Variants in FAM171A1 observed in about 807,000 individuals in gnomAD.
The protein encoded by FAM171A1 is protein FAM171A1.
Under a neutral mutation model 74.9 loss-of-function variants are expected in FAM171A1, and 23 were observed. The observed-to-expected ratio is 0.31, with a 90% CI of 0.22 to 0.44. FAM171A1 has a LOEUF of 0.44. Ranked by LOEUF, FAM171A1 falls within the 20% of genes least tolerant of loss-of-function variation. The probability of loss-of-function intolerance (pLI) is 1.00; values close to 1 mark genes in which losing one functional copy is unlikely to be tolerated. For synonymous variants in FAM171A1, 527 were observed against 505.7 expected (o/e 1.04, Z -0.57); for missense variants, 1,162 against 1,159.2 (o/e 1.00, Z -0.03).
rs140604770 is a variant in FAM171A1, at chr10:15,285,855, G to A, written c.98-1750C>T. On this transcript the variant is annotated intron_variant, in intron 1 of 7. Coordinates refer to ENST00000378116, the MANE Select transcript of FAM171A1 (RefSeq NM_001010924.2). The stretch of plus-strand genomic sequence containing the variant: ...GCCGGCTGCAGGCTGGCTGGGTACA[G>A]AGCAGCCTGACAGCGAGGATGAGGA... Among the ~76,000 whole-genome samples, 109 of 152,330 alleles carry A rather than the reference G, an allele frequency of 7.2e-4. No individual in the cohort carries two copies. In the Middle Eastern group the frequency reaches 0.014, roughly 19 times the overall value.
chr10:15,283,815 C>G (rs921164941), intron 2 of FAM171A1, 63 bp downstream of exon 2: 2 of 1,533,154 alleles, frequency 1.3e-6, no homozygotes, highest in South Asian at 2.3e-5. Flanking sequence ...AGACTCCTGG[C>G]CTTATGCGAT....
Position 15,254,875 on chromosome 10 carries a change from G to A in FAM171A1, c.423C>T (p.Ala141=). ...GGAAATGAACGCGAGGCTGTGGCCG[G>A]GCACCTGCAGAGATTAACCTCCGAG... ...VVQIVSGFQG[A]RPQPRVHFQR... The change falls in exon 4 of 8, where the codon GCC becomes GCT. Residue 141 remains alanine (A), a synonymous_variant. Coordinates refer to ENST00000378116, the MANE Select transcript of FAM171A1 (RefSeq NM_001010924.2). The A allele has an allele frequency of 6.2e-7, 1 of 1,613,032 alleles. No homozygotes were observed.
chr10:15,293,729 T>C (rs2131820003), intron 1 of FAM171A1, among the ~76,000 whole-genome samples: 1 of 152,272 alleles, frequency 6.6e-6, no homozygotes, highest in East Asian at 1.9e-4. Context: ...CGTGGCTATC[T>C]GGGTACTCAC....
rs45535633 is a variant in FAM171A1, at chr10:15,358,414, T to C, written c.97+12542A>G. 2.4e-3 allele frequency among the ~76,000 whole-genome samples: 373 copies of C among 152,370 alleles called. 1 individual carries two copies. The highest frequency in any genetic ancestry group is 6.8e-3 in the Middle Eastern group (2 of 294). ...AAAGGAGAAAAAAGGCATCTCATTA[T>C]GCTATATGAATCCAATCATACCTGA... is the stretch of plus-strand genomic sequence containing the variant. On this transcript the variant is annotated intron_variant, in intron 1 of 7. Coordinates refer to ENST00000378116, the MANE Select transcript of FAM171A1 (RefSeq NM_001010924.2).
chr10:15,331,262 G>A (rs1456397193), intron 1 of FAM171A1, among the ~76,000 whole-genome samples: 3 of 152,190 alleles, frequency 2.0e-5, no homozygotes, highest in East Asian at 1.9e-4. Flanking sequence ...TGGAGGGGAG[G>A]CGTCACCAGG....
chr10:15,227,431 G>C (rs138889786), intron 5 of FAM171A1, among the ~76,000 whole-genome samples: 1 of 152,184 alleles, frequency 6.6e-6, no homozygotes, highest in South Asian at 2.1e-4. Context: ...TCACCCAGCT[G>C]GAGGGCAGTG....
At chr10:15,217,267 T>C (rs1833978876) in intron 6 of FAM171A1, among the ~76,000 whole-genome samples, 1 of 152,248 alleles carries the variant, frequency 6.6e-6, no homozygotes, top group South Asian at 2.1e-4. Context: ...ATTTAGGTAT[T>C]TATTGGTGTC....
rs747891159 is a variant in FAM171A1 at position 15,213,944 on chromosome 10, G to T, written c.1644C>A (p.Leu548=). 5 of 1,614,158 alleles carry T rather than the reference G, an allele frequency of 3.1e-6. No individual in the cohort carries two copies. The highest frequency in any genetic ancestry group is 4.2e-6 in the Non-Finnish European group (5 of 1,180,032). The change falls in exon 8 of 8, where the codon CTC becomes CTA. Residue 548 remains leucine, a synonymous_variant. Coordinates refer to ENST00000378116, the MANE Select transcript of FAM171A1 (RefSeq NM_001010924.2). This position sits in a 1 kb window ranked among gnomAD's most constrained non-coding sequence, Gnocchi z 6.8. ...GCCGTGGGAAGGACGTAGGTCTCTC[G>T]AGGTGATCTACTGATCGCGACATCA... ...ECMMSRSVDH[L]ERPTSFPRPG... is the part of the protein sequence containing the mutation.
At chr10:15,304,255 A>C (rs1043223308) in intron 1 of FAM171A1, among the ~76,000 whole-genome samples, 3 of 152,104 alleles carry the variant, frequency 2.0e-5, no homozygotes, top group African/African-American at 7.2e-5. Context: ...GTGTTCTCTA[A>C]TTTTGATGCT....
intron 3 of FAM171A1, 152 bp downstream of exon 3, chr10:15,275,703 G>A: frequency 2.2e-6 from 1 of 455,744 alleles, no homozygotes; most frequent in Non-Finnish European, 3.9e-6. Context: ...TTAGGCAAGT[G>A]AGGTGATAGA....
intron 5 of FAM171A1, among the ~76,000 whole-genome samples, chr10:15,243,331 A>T (rs943604069): frequency 3.3e-5 from 5 of 152,080 alleles, no homozygotes; most frequent in Non-Finnish European, 7.4e-5. Flanking sequence ...GAATCACCCC[A>T]TCTCCAGATT....
rs1036744573 is a variant in FAM171A1, at chr10:15,221,057, G to A, written c.758C>T (p.Thr253Met). Residue 253 changes from threonine (T) to methionine (M), a missense_variant, in exon 6 of 8, where the codon ACG becomes ATG. Physicochemically the swap from Thr to Met is moderately conservative, Grantham distance 81 (BLOSUM62 -1). Coordinates refer to ENST00000378116, the MANE Select transcript of FAM171A1 (RefSeq NM_001010924.2). ...AAWRFDQKLG[T>M]WLKSGLGLVH... ...AAGACCCAGACCGCTCTTCAGCCAC[G>A]TTCCTGTGGAATTGAGAAAGAGATG... The A allele has an allele frequency of 1.3e-5, 21 of 1,613,520 alleles. No homozygotes were observed. The highest frequency in any genetic ancestry group is 3.3e-5 in the South Asian group (3 of 90,996).
intron 5 of FAM171A1, among the ~76,000 whole-genome samples, chr10:15,233,502 A>G (rs916338724): frequency 6.7e-6 from 1 of 150,154 alleles, no homozygotes; most frequent in African/African-American, 2.4e-5. Flanking sequence ...GACATTCTGC[A>G]CATGCCGGGT....
At chr10:15,360,136 T>C (rs1238276848) in intron 1 of FAM171A1, among the ~76,000 whole-genome samples, 2 of 152,184 alleles carry the variant, frequency 1.3e-5, no homozygotes, top group East Asian at 3.9e-4. Context: ...TCCTGCTATG[T>C]TGCACAGGGT....
intron 2 of FAM171A1, among the ~76,000 whole-genome samples, chr10:15,281,918 T>C (rs951390464): frequency 6.6e-6 from 1 of 152,204 alleles, no homozygotes; most frequent in African/African-American, 2.4e-5. Flanking sequence ...AATGACCATG[T>C]TAACAGAGTC....
At chr10:15,268,316 G>A (rs979446493) in intron 3 of FAM171A1, among the ~76,000 whole-genome samples, 14 of 152,118 alleles carry the variant, frequency 9.2e-5, no homozygotes, top group African/African-American at 2.7e-4. Context: ...GGGATAACCC[G>A]TTAAAAACCT....
chr10:15,275,932 C>T lies in FAM171A1; in HGVS notation c.341G>A (p.Ser114Asn), dbSNP rs1388621550. The change falls in exon 3 of 8, where the codon AGC becomes AAC. Residue 114 changes from serine to asparagine, a missense_variant. Physicochemically the swap from Ser to Asn is conservative, Grantham distance 46 (BLOSUM62 1). Transcript: ENST00000378116. The stretch of plus-strand genomic sequence containing the variant: ...AGAGCGTTCTGGAAGCAGGCCAAGG[C>T]TCAGAGAGGAAAATACTGCAGGAAA... Reference protein sequence around the residue: ...PIRLPVFSSLSLGLLPERSAT... With the variant: ...PIRLPVFSSLNLGLLPERSAT... 8 of 1,611,156 alleles carry T rather than the reference C, an allele frequency of 5.0e-6. No homozygotes were observed. Among genetic ancestry groups the T allele is most frequent in the African/African-American group, 1.3e-5 (1 of 74,886 alleles).
intron 1 of FAM171A1, among the ~76,000 whole-genome samples, chr10:15,286,557 C>CA (rs1327676876): frequency 2.6e-5 from 4 of 152,190 alleles, no homozygotes; most frequent in Non-Finnish European, 5.9e-5. Flanking sequence ...GCTGGGATTA[C>CA]AGGCATGATC....
At chr10:15,217,102 C>T (rs1833976743) in intron 6 of FAM171A1, among the ~76,000 whole-genome samples, 1 of 152,082 alleles carries the variant, frequency 6.6e-6, no homozygotes, top group Admixed American at 6.6e-5. Flanking sequence ...AGAACTTATA[C>T]ATAAGGTTAT....
Sources: allele counts gnomAD v4.1 joint callset (sites outside exome capture counted in the v4.1 genomes callset), GRCh38; gene constraint gnomAD v4.1.1; non-coding constraint Gnocchi (gnomAD v3.1); transcripts MANE v1.5; gene names NCBI Gene and HGNC (gene_info 2026-07-23, HGNC 2026-07-21).